SPTBN4: variants seen among roughly 807,000 people sequenced by gnomAD.
SPTBN4 encodes the protein spectrin beta, non-erythrocytic 4.
A neutral mutation model predicts 277.8 loss-of-function variants in SPTBN4; 96 were observed. The observed-to-expected ratio is 0.35, with a 90% CI of 0.29 to 0.41. The LOEUF is 0.41. Ranked by LOEUF, SPTBN4 falls within the 10% of genes least tolerant of loss-of-function variation. The pLI, the probability that SPTBN4 is intolerant of heterozygous loss-of-function variation, is 1.00. For synonymous variants in SPTBN4, 1,481 were observed against 1,580.3 expected, an observed-to-expected ratio of 0.94 and a Z score of 1.49; for missense variants, 3,006 against 3,595.7, an observed-to-expected ratio of 0.84 and a Z score of 4.19.
At chr19:40,492,050 AAAC>A (rs1411585655) in intron 4 of SPTBN4, among the ~76,000 whole-genome samples, 4 of 151,828 alleles carry the variant, frequency 2.6e-5, no homozygotes, top group South Asian at 2.1e-4. Flanking sequence ...ACAAAAAAAA[AAAC>A]AAAGAAAGAT....
chr19:40,563,188 G>A (rs2081060178), intron 27 of SPTBN4, among the ~76,000 whole-genome samples: 1 of 151,998 alleles, frequency 6.6e-6, no homozygotes, highest in Non-Finnish European at 1.5e-5. Context: ...CTCCAGCCTG[G>A]GTGACAGAGC....
At chr19:40,512,527 G>T in intron 13 of SPTBN4, 79 bp from the exon 14 acceptor site, 1 of 1,424,838 alleles carries the variant, frequency 7.0e-7, no homozygotes, top group Non-Finnish European at 9.1e-7. Flanking sequence ...CAAGGACAGG[G>T]TAGGTAGCCC....
rs1285955546 is a variant in SPTBN4 at position 40,567,737 on chromosome 19, C to G, written c.6411C>G (p.Pro2137=). The G allele has an allele frequency of 6.4e-7, 1 of 1,557,244 alleles. No homozygotes were observed. The highest frequency in any genetic ancestry group is 8.7e-7 in the Non-Finnish European group (1 of 1,152,694). ...PLLGRKFFGD[P]TELAAKAAPL... ...TGGGGCGCAAGTTCTTTGGGGACCC[C>G]ACGGAACTGGCGGCCAAGGCGGCGC... The change falls in exon 31 of 36, where the codon CCC becomes CCG. Residue 2137 remains proline, a synonymous_variant. Transcript: ENST00000598249.
At position 40,549,179 on chromosome 19, in the gene SPTBN4, G is replaced by C. The variant is rs2145922984; in HGVS notation, c.4360-10G>C. On this transcript the variant is annotated splice_polypyrimidine_tract_variant and intron_variant, in intron 20 of 35. Coordinates refer to ENST00000598249, the MANE Select transcript of SPTBN4 (RefSeq NM_020971.3). ...GGTGGGGCCCATTGACCCTGCCTCT[G>C]TCCCCACAGTCCATGGAGTCGCAGG... 1 of 1,537,926 alleles carries C rather than the reference G, an allele frequency of 6.5e-7. No homozygotes were observed. The highest frequency in any genetic ancestry group is 1.4e-5 in the African/African-American group (1 of 72,372).
chr19:40,544,127 C>CTTT (rs10618096), intron 20 of SPTBN4, among the ~76,000 whole-genome samples: 234 of 128,710 alleles, frequency 1.8e-3, no homozygotes, highest in African/African-American at 3.2e-3. Context: ...TCTTCTTCCT[C>CTTT]TTTTTTTTTT....
In SPTBN4 at chr19:40,549,746, C is replaced by T. The variant is rs114508305; in HGVS notation, c.4584+333C>T. Among the ~76,000 whole-genome samples the T allele has an allele frequency of 3.7e-3, 570 of 152,310 alleles. 5 individuals carry two copies. The highest frequency in any genetic ancestry group is 0.013 in the African/African-American group (556 of 41,566). ...TGATTTGCTCATTCATTTGTTCACT[C>T]AGTTGATCATTCTAGCCCCAGCCCT... On this transcript the variant is annotated intron_variant, in intron 21 of 35. Coordinates refer to ENST00000598249, the MANE Select transcript of SPTBN4 (RefSeq NM_020971.3).
chr19:40,471,905 A>ATTTT (rs34333509), intron 1 of SPTBN4, among the ~76,000 whole-genome samples: 5 of 109,384 alleles, frequency 4.6e-5, no homozygotes, highest in Non-Finnish European at 9.3e-5. Context: ...ACATCCAGCT[A>ATTTT]TTTTTTTTTT....
In SPTBN4 at chr19:40,487,776, G is replaced by A; in HGVS notation, c.249G>A (p.Gly83=). ...SHLARVGCHI[G]DLYVDLRDGF... Reference sequence around the variant, plus strand: ...TCGCCCGCGTGGGCTGCCACATCGGGGACCTCTATGTGGACCTCCGGGACG... The same window carrying A: ...TCGCCCGCGTGGGCTGCCACATCGGAGACCTCTATGTGGACCTCCGGGACG... Residue 83 remains glycine (G), a synonymous_variant, in exon 3 of 36, where the codon GGG becomes GGA. Coordinates refer to ENST00000598249, the MANE Select transcript of SPTBN4 (RefSeq NM_020971.3). 6.2e-7 allele frequency: 1 copy of A among 1,613,422 alleles called. No individual in the cohort carries two copies. Among genetic ancestry groups the A allele is most frequent in the Non-Finnish European group, 8.5e-7 (1 of 1,179,744 alleles).
At chr19:40,494,838 C>T in intron 5 of SPTBN4, 59 bp from the exon 6 acceptor site, 2 of 1,504,864 alleles carry the variant, frequency 1.3e-6, no homozygotes, top group South Asian at 1.2e-5. Flanking sequence ...GTCTTTTTCC[C>T]CTTTCTTCCC....
chr19:40,568,356 G>A (rs1461445750), intron 31 of SPTBN4, 74 bp downstream of exon 31: 3 of 1,467,932 alleles, frequency 2.0e-6, no homozygotes, highest in Non-Finnish European at 2.7e-6. Context: ...CTCAGGCCCA[G>A]TGAAAGGGCT....
At chr19:40,514,689 A>G (rs2080433702) in intron 14 of SPTBN4, among the ~76,000 whole-genome samples, 1 of 152,184 alleles carries the variant, frequency 6.6e-6, no homozygotes, top group South Asian at 2.1e-4. Flanking sequence ...CTGAGGTGTG[A>G]CTGTCATGAG....
chr19:40,541,003 C>T (rs553896663), intron 20 of SPTBN4, among the ~76,000 whole-genome samples: 53 of 152,204 alleles, frequency 3.5e-4, no homozygotes, highest in East Asian at 1.5e-3. Flanking sequence ...CTCGTCCTTG[C>T]CAACACTTGG....
chr19:40,513,452 G>T lies in SPTBN4; in HGVS notation c.2663G>T (p.Gly888Val), dbSNP rs781650831. 1.1e-5 allele frequency: 17 copies of T among 1,604,164 alleles called. No individual in the cohort carries two copies. The highest frequency in any genetic ancestry group is 1.4e-5 in the Non-Finnish European group (17 of 1,178,830). The change falls in exon 14 of 36, where the codon GGC becomes GTC. Residue 888 changes from glycine (G) to valine (V), a missense_variant. Gly to Val is a moderately radical substitution (Grantham distance 109). Coordinates refer to ENST00000598249, the MANE Select transcript of SPTBN4 (RefSeq NM_020971.3). ...RDALAVYRMF[G>V]EVHACELWIG... ...GCGCTCGCTGTCTACCGCATGTTTGGCGAGGTGCACGCGTGTGAGCTGTGG... is the reference window on the plus strand; with the variant it reads ...GCGCTCGCTGTCTACCGCATGTTTGTCGAGGTGCACGCGTGTGAGCTGTGG...
intron 18 of SPTBN4, chr19:40,530,539 G>A (rs1189775551): frequency 2.0e-6 from 2 of 980,520 alleles, no homozygotes; most frequent in Non-Finnish European, 2.4e-6. Flanking sequence ...TGAGGGGCGA[G>A]CACCCGCCCG....
In SPTBN4 at chr19:40,569,652, C is replaced by A. The variant is rs548738613; in HGVS notation, c.6957-5C>A. 1.2e-6 allele frequency: 2 copies of A among 1,612,486 alleles called. No individual in the cohort carries two copies. The highest frequency in any genetic ancestry group is 1.7e-5 in the Admixed American group (1 of 59,780). ...CACTGGGTCTTTCTGTCCCCCATCC[C>A]CCAGGAAGGCCACCCTGGCTGACAT... On this transcript the variant is annotated splice_region_variant and splice_polypyrimidine_tract_variant and intron_variant, in intron 31 of 35. Transcript: ENST00000598249.
At chr19:40,474,634 G>A (rs10422351) in intron 2 of SPTBN4, among the ~76,000 whole-genome samples, 3,251 of 151,690 alleles carry the variant, frequency 0.021, 116 homozygotes, top group African/African-American at 0.074. Flanking sequence ...GCATGGTGGC[G>A]GATGCCTGTA....
Position 40,557,173 on chromosome 19 carries a change from G to A in SPTBN4, c.5440G>A (p.Glu1814Lys). 4 of 1,610,908 alleles carry A rather than the reference G, an allele frequency of 2.5e-6. No individual in the cohort carries two copies. The highest frequency in any genetic ancestry group is 3.4e-6 in the Non-Finnish European group (4 of 1,177,572). Residue 1814 changes from glutamate to lysine, a missense_variant, in exon 26 of 36, where the codon GAG becomes AAG. Physicochemically the swap from Glu to Lys is moderately conservative, Grantham distance 56. Around this residue, in one of 5 missense-constraint regions of SPTBN4, gnomAD observed 425 missense variants for 594.7 expected, o/e 0.71. Transcript: ENST00000598249. Reference sequence around the variant, plus strand: ...GGCCGAGTGGAAGGACGGACTGAACGAGGCCTGGGCTGAGCTGCTGGAGCT... The same window carrying A: ...GGCCGAGTGGAAGGACGGACTGAACAAGGCCTGGGCTGAGCTGCTGGAGCT... ...TMAEWKDGLN[E>K]AWAELLELMG...
intron 26 of SPTBN4, among the ~76,000 whole-genome samples, chr19:40,558,053 T>C (rs1383527761): frequency 2.6e-5 from 4 of 151,712 alleles, no homozygotes; most frequent in African/African-American, 9.7e-5. Context: ...GGCTGTGGTG[T>C]AGATAGAAAT....
chr19:40,542,812 T>C (rs1245790084), intron 20 of SPTBN4, among the ~76,000 whole-genome samples: 1 of 151,092 alleles, frequency 6.6e-6, no homozygotes, highest in East Asian at 1.9e-4. Flanking sequence ...TTTTTTGTTT[T>C]TGTTTTTTTG....
Sources: gnomAD v4.1 joint callset for allele counts (sites outside exome capture counted in the v4.1 genomes callset) on GRCh38, gnomAD v4.1.1 for gene constraint, gnomAD v4.1.1 regional missense constraint, MANE v1.5 for transcripts, NCBI Gene and HGNC (gene_info 2026-07-23, HGNC 2026-07-21) for gene names.